Variants in ZHX2 observed in about 807,000 individuals in gnomAD.
The protein encoded by ZHX2 is zinc fingers and homeoboxes 2, also known as zinc fingers and homeoboxes protein 2.
Under a neutral mutation model 21.9 loss-of-function variants are expected in ZHX2, and 6 were observed. That is an observed-to-expected ratio of 0.27 (90% CI 0.15 to 0.54). The LOEUF (loss-of-function observed/expected upper bound fraction) is 0.54. ZHX2 is among the 20% of genes least tolerant of loss of function. The pLI is 0.95. For synonymous variants in ZHX2, 434 were observed against 437.1 expected, an observed-to-expected ratio of 0.99 and a Z score of 0.09; for missense variants, 908 against 1,090.7, an observed-to-expected ratio of 0.83 and a Z score of 2.36.
intron 2 of ZHX2, among the ~76,000 whole-genome samples, chr8:122,931,327 C>A (rs1303070113): frequency 1.3e-5 from 2 of 152,242 alleles, no homozygotes; most frequent in East Asian, 3.9e-4. Flanking sequence ...TCATGTTTCT[C>A]CCTATTAGCC....
At chr8:122,802,980 C>A (rs151072556) in intron 1 of ZHX2, among the ~76,000 whole-genome samples, 2,498 of 136,924 alleles carry the variant, frequency 0.018, 39 homozygotes, top group South Asian at 0.08. Context: ...CCCCAGTTAG[C>A]GCTCTAGGGG....
chr8:122,835,408 G>C (rs902841316), intron 1 of ZHX2, among the ~76,000 whole-genome samples: 14 of 152,208 alleles, frequency 9.2e-5, no homozygotes, highest in Admixed American at 8.5e-4. Flanking sequence ...GAGGATAGGG[G>C]CGTAAGGTGG....
At chr8:122,877,741 G>A (rs931552523) in intron 2 of ZHX2, among the ~76,000 whole-genome samples, 1 of 152,174 alleles carries the variant, frequency 6.6e-6, no homozygotes, top group Non-Finnish European at 1.5e-5. Context: ...GGACTGAGAG[G>A]ATGGGACTGG....
At chr8:122,921,604 G>A (rs529173563) in intron 2 of ZHX2, among the ~76,000 whole-genome samples, 2 of 144,112 alleles carry the variant, frequency 1.4e-5, no homozygotes, top group Non-Finnish European at 3.1e-5. Flanking sequence ...TGGAGCCCAG[G>A]ATTTTGAGAC....
intron 2 of ZHX2, among the ~76,000 whole-genome samples, chr8:122,907,064 G>A (rs1000858741): frequency 3.3e-5 from 5 of 152,222 alleles, no homozygotes; most frequent in South Asian, 4.2e-4. Context: ...CTATTCGATC[G>A]CAGTGGTCAA....
At chr8:122,956,698 A>G (rs1378757034) in intron 3 of ZHX2, among the ~76,000 whole-genome samples, 1 of 152,232 alleles carries the variant, frequency 6.6e-6, no homozygotes, top group Admixed American at 6.5e-5. Context: ...AGCAAACTCA[A>G]TGGTTTTCCA....
At chr8:122,912,062 G>A (rs1022687156) in intron 2 of ZHX2, among the ~76,000 whole-genome samples, 3 of 152,188 alleles carry the variant, frequency 2.0e-5, no homozygotes, top group African/African-American at 7.2e-5. Flanking sequence ...TAAGTTTCTG[G>A]TGGCCTGAAA....
At chr8:122,936,543 C>T (rs1195054714) in intron 2 of ZHX2, among the ~76,000 whole-genome samples, 1 of 152,198 alleles carries the variant, frequency 6.6e-6, no homozygotes, top group East Asian at 1.9e-4. Context: ...AGGCTGAGAA[C>T]TGCTGTTTTA....
chr8:122,852,204 A>C (rs1157956006), intron 1 of ZHX2, among the ~76,000 whole-genome samples: 1 of 152,164 alleles, frequency 6.6e-6, no homozygotes, highest in Non-Finnish European at 1.5e-5. Context: ...CTCTGCCTTT[A>C]ATAAACATGG....
At chr8:122,965,032 TG>T (rs201854398) in intron 3 of ZHX2, among the ~76,000 whole-genome samples, 26,808 of 126,774 alleles carry the variant, frequency 0.21, 2,770 homozygotes, top group South Asian at 0.33. Flanking sequence ...TTCTCTCTTC[TG>T]TTTTTTTTTT....
At position 122,953,391 on chromosome 8, in the gene ZHX2, C is replaced by G; in HGVS notation, c.1881C>G (p.Pro627=). 1.2e-6 allele frequency: 2 copies of G among 1,614,156 alleles called. No individual in the cohort carries two copies. Among genetic ancestry groups the G allele is most frequent in the Non-Finnish European group, 8.5e-7 (1 of 1,180,036 alleles). The change falls in exon 3 of 4, where the codon CCC becomes CCG. Residue 627 remains proline, a synonymous_variant. Coordinates refer to ENST00000314393, the MANE Select transcript of ZHX2 (RefSeq NM_014943.5). The surrounding 1 kb of genome is among the most constrained non-coding windows in gnomAD (Gnocchi z 4.6). The part of the protein sequence containing the change: ...LSGAQLTSSL[P]SPSPAIAKSQ... ...GTGCCCAGTTAACAAGTTCTCTGCCCAGCCCTTCGCCAGCAATTGCAAAAA... is the reference window on the plus strand; with the variant it reads ...GTGCCCAGTTAACAAGTTCTCTGCCGAGCCCTTCGCCAGCAATTGCAAAAA...
intron 2 of ZHX2, among the ~76,000 whole-genome samples, chr8:122,935,394 A>G (rs958014812): frequency 6.6e-6 from 1 of 152,144 alleles, no homozygotes; most frequent in South Asian, 2.1e-4. Context: ...TGCAATGAAC[A>G]TAAAATTGTC....
At chr8:122,935,047 T>G (rs567322479) in intron 2 of ZHX2, among the ~76,000 whole-genome samples, 1 of 152,174 alleles carries the variant, frequency 6.6e-6, no homozygotes, top group African/African-American at 2.4e-5. Flanking sequence ...CAAAAAGCCG[T>G]GTGCTATATA....
chr8:122,815,081 T>C (rs1313575829), intron 1 of ZHX2, among the ~76,000 whole-genome samples: 1 of 152,178 alleles, frequency 6.6e-6, no homozygotes, highest in African/African-American at 2.4e-5. Context: ...GATGTGAGGG[T>C]TGGAGGAAAT....
chr8:122,918,433 C>T (rs1047538445), intron 2 of ZHX2, among the ~76,000 whole-genome samples: 3 of 152,190 alleles, frequency 2.0e-5, no homozygotes, highest in African/African-American at 7.2e-5. Flanking sequence ...TGCCTCCTTG[C>T]CACAGCCACC....
At chr8:122,830,803 T>C (rs937708299) in intron 1 of ZHX2, among the ~76,000 whole-genome samples, 3 of 152,174 alleles carry the variant, frequency 2.0e-5, no homozygotes, top group African/African-American at 4.8e-5. Flanking sequence ...AGTTTGGCCA[T>C]ACATGATTTT....
In ZHX2 at chr8:122,879,366, C is replaced by T. The variant is rs563006354; in HGVS notation, c.-220+15827C>T. Among the ~76,000 whole-genome samples, 7 of 152,188 alleles carry T rather than the reference C, an allele frequency of 4.6e-5. No homozygotes were observed. In the East Asian group the frequency reaches 1.2e-3, roughly 25 times the overall value. On this transcript the variant is annotated intron_variant, in intron 2 of 3. Coordinates refer to ENST00000314393, the MANE Select transcript of ZHX2 (RefSeq NM_014943.5). ...GGATAACAGACACATGCCACCACGCCCAGCTAACTTTTGTATTTTTAGTAG... is the reference window on the plus strand; with the variant it reads ...GGATAACAGACACATGCCACCACGCTCAGCTAACTTTTGTATTTTTAGTAG...
intron 2 of ZHX2, among the ~76,000 whole-genome samples, chr8:122,868,417 G>A (rs1392551959): frequency 6.6e-6 from 1 of 152,166 alleles, no homozygotes; most frequent in Non-Finnish European, 1.5e-5. Flanking sequence ...GGAGGCTGAG[G>A]CGGGAAGATC....
intron 1 of ZHX2, among the ~76,000 whole-genome samples, chr8:122,846,549 AT>A (rs201581677): frequency 0.072 from 8,014 of 111,164 alleles, 323 homozygotes; most frequent in African/African-American, 0.16. Context: ...GACTTTGTGT[AT>A]TTTTTTTTTT....
Sources: allele counts gnomAD v4.1 joint callset (sites outside exome capture counted in the v4.1 genomes callset), GRCh38; gene constraint gnomAD v4.1.1; non-coding constraint Gnocchi (gnomAD v3.1); transcripts MANE v1.5; gene names NCBI Gene and HGNC (gene_info 2026-07-23, HGNC 2026-07-21).